The following RUVBL2 variants were observed in gnomAD, a reference collection of about 807,000 sequenced individuals.
The protein encoded by RUVBL2 is RuvB like AAA ATPase 2.
Under a neutral mutation model 57.9 loss-of-function variants are expected in RUVBL2, and 9 were observed. The ratio of observed to expected loss-of-function variants is 0.16; its 90% CI spans 0.09 to 0.27. The LOEUF (loss-of-function observed/expected upper bound fraction) is 0.27. Ranked by LOEUF, RUVBL2 falls within the 10% of genes least tolerant of loss-of-function variation. The probability of loss-of-function intolerance (pLI) is 1.00; values close to 1 mark genes in which losing one functional copy is unlikely to be tolerated. For synonymous variants in RUVBL2, 278 were observed against 264.6 expected (o/e 1.05, Z -0.49); for missense variants, 456 against 669.6 (o/e 0.68, Z 3.52).
At chr19:49,009,416 G>A (rs2039358580) in intron 6 of RUVBL2, among the ~76,000 whole-genome samples, 1 of 151,888 alleles carries the variant, frequency 6.6e-6, no homozygotes, top group Non-Finnish European at 1.5e-5. Flanking sequence ...GAACCCGGGA[G>A]GCAGAGCTTG....
At chr19:48,993,525 T>A, upstream of RUVBL2, 1 of 442,152 alleles carries the variant, frequency 2.3e-6, no homozygotes, top group Non-Finnish European at 4.2e-6. Context: ...CGAGTGGCCT[T>A]CAGCTCTGTC....
chr19:48,993,720 TC>T, upstream of RUVBL2: 1 of 685,780 alleles, frequency 1.5e-6, no homozygotes, highest in South Asian at 1.7e-5. Flanking sequence ...ACCCAGGAGT[TC>T]CGGACGCCCG....
At chr19:49,003,165 T>TGCCAAAAACCCC in intron 2 of RUVBL2, 114 bp from the exon 3 acceptor site, 1 of 708,040 alleles carries the variant, frequency 1.4e-6, no homozygotes, top group Admixed American at 1.9e-5. Context: ...CAACCCCTGC[T>TGCCAAAAACCCC]CCCTACTCCC....
chr19:49,008,840 G>A lies in RUVBL2; in HGVS notation c.463-936G>A, dbSNP rs58745508. Among the ~76,000 whole-genome samples the A allele has an allele frequency of 8.5e-5, 13 of 152,068 alleles. No homozygotes were observed. The East Asian group carries it at 2.3e-3, about 27-fold the overall frequency. On this transcript the variant is annotated intron_variant, in intron 6 of 14. Transcript: ENST00000595090. Reference sequence around the variant, plus strand: ...TAAAAATACAAAAAATTAGCTGGGCGTGGTGGTGGGTGCTTGTAATCCCAG... The same window carrying A: ...TAAAAATACAAAAAATTAGCTGGGCATGGTGGTGGGTGCTTGTAATCCCAG...
chr19:49,015,944 T>C lies in RUVBL2; in HGVS notation c.*102T>C. The C allele has an allele frequency of 1.2e-6, 2 of 1,614,178 alleles. No individual in the cohort carries two copies. The highest frequency in any genetic ancestry group is 2.2e-5 in the East Asian group (1 of 44,886). On this transcript the variant is annotated 3_prime_UTR_variant, in exon 15 of 15. Coordinates refer to ENST00000595090, the MANE Select transcript of RUVBL2 (RefSeq NM_006666.3). Reference sequence around the variant, plus strand: ...AAGCTGCACCCACCCTGTGTATGTGTGGTTGCCCTGAGCCCACAGAAAGAC... The same window carrying C: ...AAGCTGCACCCACCCTGTGTATGTGCGGTTGCCCTGAGCCCACAGAAAGAC...
chr19:49,011,347 T>C lies in RUVBL2; in HGVS notation c.1001+37T>C. ...ACAGGGGCCTCTGGGGAAAACAGGATGCTCTGGGCAGTGGGTGTGGTCAGA... is the reference window on the plus strand; with the variant it reads ...ACAGGGGCCTCTGGGGAAAACAGGACGCTCTGGGCAGTGGGTGTGGTCAGA... On this transcript the variant is annotated intron_variant, in intron 11 of 14. Transcript: ENST00000595090. This position sits in a 1 kb window ranked among gnomAD's most constrained non-coding sequence, Gnocchi z 4.4. 1 of 1,551,866 alleles carries C rather than the reference T, an allele frequency of 6.4e-7. No homozygotes were observed. Among genetic ancestry groups the C allele is most frequent in the African/African-American group, 1.4e-5 (1 of 73,800 alleles).
intron 1 of RUVBL2, among the ~76,000 whole-genome samples, chr19:48,996,907 C>A (rs1196301558): frequency 6.6e-6 from 1 of 151,974 alleles, no homozygotes; most frequent in Non-Finnish European, 1.5e-5. Flanking sequence ...AAGTGATTTG[C>A]CTGCTTCAGC....
intron 6 of RUVBL2, among the ~76,000 whole-genome samples, chr19:49,008,696 G>A: frequency 6.6e-6 from 1 of 151,886 alleles, no homozygotes; most frequent in Non-Finnish European, 1.5e-5. Context: ...AATACAAAAT[G>A]GCTGGGCGCG....
chr19:49,010,832 T>C (rs1414361770), intron 9 of RUVBL2, among the ~76,000 whole-genome samples, 167 bp from the exon 10 acceptor site: 1 of 152,132 alleles, frequency 6.6e-6, no homozygotes, highest in Admixed American at 6.5e-5. Context: ...CCTCCTGTGT[T>C]CTCTGCCTCT....
chr19:49,011,253 C>T lies in RUVBL2; in HGVS notation c.944C>T (p.Ala315Val). ...DIESFSFLNRALESDMAPVLI... is the reference protein window; with the variant it reads ...DIESFSFLNRVLESDMAPVLI... ...GAGAGCTTCTCCTTCCTCAACCGGG[C>T]CCTGGAGAGTGACATGGCGCCTGTC... Residue 315 changes from alanine to valine, a missense_variant, in exon 11 of 15, where the codon GCC becomes GTC. Coordinates refer to ENST00000595090, the MANE Select transcript of RUVBL2 (RefSeq NM_006666.3). The surrounding 1 kb of genome is among the most constrained non-coding windows in gnomAD (Gnocchi z 4.4). 1 of 1,613,990 alleles carries T rather than the reference C, an allele frequency of 6.2e-7. No individual in the cohort carries two copies. Among genetic ancestry groups the T allele is most frequent in the Non-Finnish European group, 8.5e-7 (1 of 1,180,046 alleles).
At position 48,997,312 on chromosome 19, in the gene RUVBL2, C is replaced by T. The variant is rs536471581; in HGVS notation, c.13-2007C>T. 4.6e-5 allele frequency among the ~76,000 whole-genome samples: 7 copies of T among 152,194 alleles called. No individual in the cohort carries two copies. In the East Asian group the frequency reaches 5.8e-4, roughly 13 times the overall value. ...GTATAATGTTTTCAAAGTTCATCCA[C>T]GTTGTAGCATGTATCAGAACTCCAT... On this transcript the variant is annotated intron_variant, in intron 1 of 14. Coordinates refer to ENST00000595090, the MANE Select transcript of RUVBL2 (RefSeq NM_006666.3).
rs966416745 is a variant in RUVBL2, at chr19:49,010,052, G to T, written c.649G>T (p.Ala217Ser). Residue 217 changes from alanine to serine, a missense_variant, in exon 8 of 15, where the codon GCT (alanine) becomes TCT (serine). Transcript: ENST00000595090. ...RSFTRARDYD[A>S]MGSQTKFVQC... is the part of the protein sequence containing the mutation. ...CTTCACACGCGCCCGCGACTACGAC[G>T]CTATGGGCTCCCAGGTGCGGCCGGG... 6.2e-7 allele frequency: 1 copy of T among 1,601,090 alleles called. No homozygotes were observed. Among genetic ancestry groups the T allele is most frequent in the Non-Finnish European group, 8.5e-7 (1 of 1,174,306 alleles).
At chr19:49,002,868 AGCCACTGC>A (rs1369273886) in intron 2 of RUVBL2, among the ~76,000 whole-genome samples, 2 of 152,102 alleles carry the variant, frequency 1.3e-5, no homozygotes, top group Non-Finnish European at 2.9e-5. Context: ...TATAGGCAGG[AGCCACTGC>A]GCCCGGCCCC....
intron 1 of RUVBL2, among the ~76,000 whole-genome samples, chr19:48,998,869 A>G (rs2039118959): frequency 6.6e-6 from 1 of 150,960 alleles, no homozygotes; most frequent in African/African-American, 2.4e-5. Context: ...CTCTACTAAA[A>G]ATACAAAAAT....
intron 2 of RUVBL2, among the ~76,000 whole-genome samples, chr19:49,000,923 G>A (rs2039166415): frequency 6.6e-6 from 1 of 152,020 alleles, no homozygotes; most frequent in African/African-American, 2.4e-5. Context: ...TTTGAGAGGT[G>A]GAGTCAGGAG....
intron 11 of RUVBL2, 101 bp from the exon 12 acceptor site, chr19:49,014,383 G>C (rs2039498866): frequency 1.4e-6 from 2 of 1,422,460 alleles, no homozygotes; most frequent in African/African-American, 2.8e-5. Context: ...GTGGTGTTGG[G>C]CCCAGTGAGT....
chr19:49,013,608 T>C (rs1876282942), intron 11 of RUVBL2, among the ~76,000 whole-genome samples: 1 of 152,002 alleles, frequency 6.6e-6, no homozygotes, highest in Non-Finnish European at 1.5e-5. Context: ...AACAAACACA[T>C]GGAAATAGAA....
rs74182026 is a variant in RUVBL2, at chr19:49,004,115, CAAAAAAAAAAAAA to C, written c.124-149_124-137del. 71 of 293,116 alleles carry C rather than the reference CAAAAAAAAAAAAA, an allele frequency of 2.4e-4. No individual in the cohort carries two copies. In the African/African-American group the frequency reaches 3.5e-3, roughly 15 times the overall value. 18.2% of individuals were successfully genotyped at this position (293,116 alleles called of 1,614,324 possible). A position where few individuals can be genotyped will look rare whatever the true frequency, so the allele number is the denominator to read the frequency against. ...TGGGTGACAGAGCGAGATCTTGTCT[CAAAAAAAAAAAAA>C]AAAAAAAAAAAAGCAGGGAAAGCTT... On this transcript the variant is annotated intron_variant, in intron 3 of 14. Transcript: ENST00000595090.
chr19:49,011,551 A>G lies in RUVBL2; in HGVS notation c.1001+241A>G, dbSNP rs551042946. 9.8e-5 allele frequency among the ~76,000 whole-genome samples: 15 copies of G among 152,314 alleles called. No homozygotes were observed. The highest frequency in any genetic ancestry group is 2.1e-4 in the South Asian group (1 of 4,830). ...TTAGCCCCCAAGGCTGCAGTCTTCA[A>G]ACTGCGTGCCGAGGCACCCCAGGGT... is the stretch of plus-strand genomic sequence containing the variant. On this transcript the variant is annotated intron_variant, in intron 11 of 14. Transcript: ENST00000595090. This position sits in a 1 kb window ranked among gnomAD's most constrained non-coding sequence, Gnocchi z 4.4.
Sources: allele counts gnomAD v4.1 joint callset (sites outside exome capture counted in the v4.1 genomes callset), GRCh38; gene constraint gnomAD v4.1.1; non-coding constraint Gnocchi (gnomAD v3.1); transcripts MANE v1.5; gene names NCBI Gene and HGNC (gene_info 2026-07-23, HGNC 2026-07-21).